TSHZ2: variants seen among roughly 807,000 people sequenced by gnomAD.
TSHZ2 encodes teashirt homolog 2.
TSHZ2 carries 21 observed loss-of-function variants against 74.4 expected under a neutral mutation model. The ratio of observed to expected loss-of-function variants is 0.28; its 90% CI spans 0.20 to 0.41. The LOEUF (loss-of-function observed/expected upper bound fraction) is 0.41, where lower values mean the gene tolerates loss of function less well. Among genes scored for constraint, TSHZ2 ranks in the 10% least tolerant of loss-of-function variants. The pLI, the probability that TSHZ2 is intolerant of heterozygous loss-of-function variation, is 1.00. For synonymous variants in TSHZ2, 540 were observed against 515.3 expected, an observed-to-expected ratio of 1.05 and a Z score of -0.65; for missense variants, 1,244 against 1,293.5, an observed-to-expected ratio of 0.96 and a Z score of 0.59.
intron 1 of TSHZ2, among the ~76,000 whole-genome samples, chr20:53,190,086 AATATATATATATATATAT>A (rs544193424): frequency 0.021 from 535 of 25,106 alleles, 47 homozygotes; most frequent in Admixed American, 0.034. Context: ...CCCTGTCTCA[AATATATATATATATATAT>A]ATATATATAT....
At chr20:53,210,512 C>A (rs191889210) in intron 1 of TSHZ2, among the ~76,000 whole-genome samples, 2 of 151,976 alleles carry the variant, frequency 1.3e-5, no homozygotes, top group Non-Finnish European at 2.9e-5. Context: ...GAATTCCTGT[C>A]AGCATTCAGA....
At chr20:53,102,870 C>CTT (rs548034255) in intron 1 of TSHZ2, among the ~76,000 whole-genome samples, 3 of 141,744 alleles carry the variant, frequency 2.1e-5, no homozygotes, top group South Asian at 2.2e-4. Flanking sequence ...CAGCATCTTT[C>CTT]TTTTTTTTTT....
At chr20:53,380,557 T>C (rs1981820710) in intron 2 of TSHZ2, among the ~76,000 whole-genome samples, 1 of 152,056 alleles carries the variant, frequency 6.6e-6, no homozygotes, top group South Asian at 2.1e-4. Context: ...TAACACACAA[T>C]GCAAAAAGGA....
At chr20:53,442,932 ATC>A (rs1209521368) in intron 2 of TSHZ2, among the ~76,000 whole-genome samples, 1 of 152,218 alleles carries the variant, frequency 6.6e-6, no homozygotes, top group Non-Finnish European at 1.5e-5. Flanking sequence ...TTGCAGTAAT[ATC>A]TCATCCCGCT....
chr20:53,310,486 C>T (rs1412469248), intron 2 of TSHZ2, among the ~76,000 whole-genome samples: 3 of 152,234 alleles, frequency 2.0e-5, no homozygotes, highest in Non-Finnish European at 2.9e-5. Context: ...GGAGTCCAGG[C>T]ACCAGTTAGG....
intron 2 of TSHZ2, among the ~76,000 whole-genome samples, chr20:53,455,911 T>G (rs1985054207): frequency 6.6e-6 from 1 of 151,574 alleles, no homozygotes; most frequent in South Asian, 2.1e-4. Flanking sequence ...TACGGCTGCA[T>G]AGTATTCCAT....
intron 2 of TSHZ2, among the ~76,000 whole-genome samples, chr20:53,484,832 A>ATGACTGG (rs991322485): frequency 1.3e-5 from 2 of 152,216 alleles, no homozygotes; most frequent in Non-Finnish European, 1.5e-5. Context: ...AATGTCTGTT[A>ATGACTGG]TGATTATCTT....
At chr20:53,048,755 CT>C (rs1984321910) in intron 1 of TSHZ2, among the ~76,000 whole-genome samples, 1 of 152,136 alleles carries the variant, frequency 6.6e-6, no homozygotes, top group South Asian at 2.1e-4. Context: ...AAAAGCTTTT[CT>C]TTTTTCCCCT....
chr20:53,322,494 C>CAGTTGT (rs1248995067), intron 2 of TSHZ2, among the ~76,000 whole-genome samples: 1 of 149,798 alleles, frequency 6.7e-6, no homozygotes, highest in Non-Finnish European at 1.5e-5. Context: ...GCCTGGGCAA[C>CAGTTGT]AGAGCAAGAC....
At chr20:53,023,554 C>T (rs1249239949) in intron 1 of TSHZ2, among the ~76,000 whole-genome samples, 5 of 151,724 alleles carry the variant, frequency 3.3e-5, no homozygotes, top group African/African-American at 1.2e-4. Flanking sequence ...GTGACAGAGG[C>T]GTTAATACTT....
intron 2 of TSHZ2, among the ~76,000 whole-genome samples, chr20:53,261,605 C>T (rs1474194836): frequency 6.6e-6 from 1 of 152,222 alleles, no homozygotes; most frequent in East Asian, 1.9e-4. Context: ...TTAACTCCGT[C>T]TATGCATCTC....
intron 2 of TSHZ2, among the ~76,000 whole-genome samples, chr20:53,387,133 G>A (rs974639874): frequency 4.6e-5 from 7 of 152,086 alleles, no homozygotes; most frequent in South Asian, 2.1e-4. Context: ...GACAGCGATC[G>A]TTTTCACTTG....
chr20:53,164,390 TAAAAG>T (rs1400703753), intron 1 of TSHZ2, among the ~76,000 whole-genome samples: 1 of 151,244 alleles, frequency 6.6e-6, no homozygotes, highest in Non-Finnish European at 1.5e-5. Context: ...TTACAACTAT[TAAAAG>T]AAAGAGATCA....
intron 1 of TSHZ2, among the ~76,000 whole-genome samples, chr20:53,086,688 C>A (rs1018863511): frequency 1.3e-5 from 2 of 152,112 alleles, no homozygotes. Context: ...CTCAATTTGC[C>A]TCTGTTAACT....
At chr20:53,474,899 A>C (rs988534963) in intron 2 of TSHZ2, among the ~76,000 whole-genome samples, 1 of 143,696 alleles carries the variant, frequency 7.0e-6, no homozygotes, top group Non-Finnish European at 1.5e-5. Flanking sequence ...CAAAGATCAA[A>C]AGAGACAAAG....
At chr20:53,147,679 A>G (rs1426989528) in intron 1 of TSHZ2, among the ~76,000 whole-genome samples, 2 of 152,192 alleles carry the variant, frequency 1.3e-5, no homozygotes, top group Non-Finnish European at 2.9e-5. Flanking sequence ...ATATCTATGC[A>G]TAAGACATGC....
intron 2 of TSHZ2, among the ~76,000 whole-genome samples, chr20:53,352,763 G>A (rs1980697603): frequency 7.0e-6 from 1 of 143,452 alleles, no homozygotes; most frequent in Non-Finnish European, 1.5e-5. Context: ...GACAAAGTGA[G>A]GATCTGTCTC....
chr20:53,422,934 G>T (rs1418899995), intron 2 of TSHZ2, among the ~76,000 whole-genome samples: 1 of 152,124 alleles, frequency 6.6e-6, no homozygotes, highest in South Asian at 2.1e-4. Context: ...GGTTTGAGAA[G>T]CTGCTATTAA....
chr20:52,995,272 C>T (rs556337721), intron 1 of TSHZ2, among the ~76,000 whole-genome samples: 7 of 152,314 alleles, frequency 4.6e-5, no homozygotes, highest in Non-Finnish European at 7.4e-5. Context: ...AGAATCTCTA[C>T]ATGGGGTGGC....
Sources: allele counts gnomAD v4.1 joint callset (sites outside exome capture counted in the v4.1 genomes callset), GRCh38; gene constraint gnomAD v4.1.1; transcripts MANE v1.5; gene names NCBI Gene and HGNC (gene_info 2026-07-23, HGNC 2026-07-21).